KDM5B: variants seen among roughly 807,000 people sequenced by gnomAD.
KDM5B encodes the protein lysine demethylase 5B.
KDM5B carries 144 observed loss-of-function variants against 193.4 expected under a neutral mutation model. The ratio of observed to expected loss-of-function variants is 0.74; its 90% confidence interval spans 0.65 to 0.86. The LOEUF is 0.86. Among genes scored for constraint, KDM5B ranks in the 40% least tolerant of loss-of-function variants. KDM5B has a pLI of 0.00. For synonymous variants in KDM5B, 668 were observed against 682.6 expected (o/e 0.98, Z 0.33); for missense variants, 1,833 against 1,886.9 (o/e 0.97, Z 0.53).
At chr1:202,752,550 A>G (rs923479176) in intron 12 of KDM5B, among the ~76,000 whole-genome samples, 1 of 152,218 alleles carries the variant, frequency 6.6e-6, no homozygotes, top group African/African-American at 2.4e-5. Flanking sequence ...TTGTCACTTC[A>G]TTTAGCAACC....
At chr1:202,737,772 G>C (rs1456003896) in intron 20 of KDM5B, among the ~76,000 whole-genome samples, 1 of 152,146 alleles carries the variant, frequency 6.6e-6, no homozygotes, top group Non-Finnish European at 1.5e-5. Flanking sequence ...GTGGGGTGGG[G>C]AGGAAAACGC....
chr1:202,772,323 C>T (rs1656753703), intron 4 of KDM5B, among the ~76,000 whole-genome samples: 1 of 152,082 alleles, frequency 6.6e-6, no homozygotes, highest in South Asian at 2.1e-4. Context: ...TCACAAATAC[C>T]ATTTTGTCAG....
rs1453515365 is a variant in KDM5B, at chr1:202,749,018, G to T, written c.1943C>A (p.Ala648Asp). The change falls in exon 14 of 27, where the codon GCT (alanine) becomes GAT (aspartate). Residue 648 changes from alanine to aspartate, a missense_variant. Transcript: ENST00000367265. ...GGCCATGTCTTTCTGAACAGTTGAA[G>T]CCACTACAACATCTAATACATCAGC... ...SKADVLDVVV[A>D]STVQKDMAIM... is the part of the protein sequence containing the mutation. The T allele has an allele frequency of 6.2e-7, 1 of 1,613,896 alleles. No homozygotes were observed. Among genetic ancestry groups the T allele is most frequent in the Non-Finnish European group, 8.5e-7 (1 of 1,180,002 alleles).
Position 202,773,147 on chromosome 1 carries a change from T to G in KDM5B, c.547A>C (p.Asn183His). 6.2e-7 allele frequency: 1 copy of G among 1,613,718 alleles called. No individual in the cohort carries two copies. Among genetic ancestry groups the G allele is most frequent in the Non-Finnish European group, 8.5e-7 (1 of 1,179,640 alleles). ...AGGCTGTCTCCGGACAGGAATAAGTTGTAGGGGTTGAGAATTCGTTCATAA... is the reference window on the plus strand; with the variant it reads ...AGGCTGTCTCCGGACAGGAATAAGTGGTAGGGGTTGAGAATTCGTTCATAA... ...GHYERILNPY[N>H]LFLSGDSLRC... is the part of the protein sequence containing the mutation. The change falls in exon 4 of 27, where the codon AAC (asparagine) becomes CAC (histidine). Residue 183 changes from asparagine to histidine, a missense_variant. Physicochemically the swap from Asn to His is moderately conservative, Grantham distance 68. Around this residue, in one of 3 missense-constraint regions of KDM5B, gnomAD observed 355 missense variants for 374.9 expected, o/e 0.95. Coordinates refer to ENST00000367265, the MANE Select transcript of KDM5B (RefSeq NM_006618.5).
At chr1:202,795,291 G>A (rs1657797286) in intron 1 of KDM5B, among the ~76,000 whole-genome samples, 1 of 151,936 alleles carries the variant, frequency 6.6e-6, no homozygotes, top group Admixed American at 6.6e-5. Context: ...TTATTGTACT[G>A]TCCTCACCTA....
At chr1:202,736,638 G>A (rs929859574) in intron 20 of KDM5B, among the ~76,000 whole-genome samples, 4 of 151,714 alleles carry the variant, frequency 2.6e-5, no homozygotes, top group Admixed American at 2.6e-4. Flanking sequence ...GGTGGTGGTA[G>A]TGTTGTTTTT....
intron 1 of KDM5B, among the ~76,000 whole-genome samples, chr1:202,791,789 G>C (rs1425820803): frequency 6.6e-6 from 1 of 152,148 alleles, no homozygotes; most frequent in African/African-American, 2.4e-5. Flanking sequence ...CGCGATCTCG[G>C]CTCACTGCAA....
chr1:202,740,581 G>C, intron 20 of KDM5B, 93 bp downstream of exon 20: 1 of 1,273,736 alleles, frequency 7.9e-7, no homozygotes, highest in Non-Finnish European at 1.1e-6. Context: ...GCCGGGTCGG[G>C]GGCTGACCCC....
At chr1:202,740,937 G>T in intron 19 of KDM5B, 125 bp from the exon 20 acceptor site, 1 of 894,842 alleles carries the variant, frequency 1.1e-6, no homozygotes. Context: ...AAATGACATT[G>T]TCTATTCCTG....
At chr1:202,805,606 G>A (rs1658258869) in intron 1 of KDM5B, among the ~76,000 whole-genome samples, 1 of 152,086 alleles carries the variant, frequency 6.6e-6, no homozygotes, top group Admixed American at 6.6e-5. Context: ...AAATCATCCA[G>A]AAATACAGAC....
intron 16 of KDM5B, among the ~76,000 whole-genome samples, chr1:202,745,014 C>T (rs976685703): frequency 6.6e-6 from 1 of 152,124 alleles, no homozygotes; most frequent in Non-Finnish European, 1.5e-5. Flanking sequence ...ATGGATGGAA[C>T]TGGAGGCAAT....
intron 11 of KDM5B, among the ~76,000 whole-genome samples, chr1:202,753,795 G>A (rs779732250): frequency 1.2e-4 from 18 of 150,018 alleles, no homozygotes; most frequent in African/African-American, 4.1e-4. Context: ...TCAGCCTCCC[G>A]AGTAGCTAGT....
At chr1:202,804,113 G>A (rs1007464403) in intron 1 of KDM5B, among the ~76,000 whole-genome samples, 1 of 152,094 alleles carries the variant, frequency 6.6e-6, no homozygotes, top group African/African-American at 2.4e-5. Flanking sequence ...GTAGTTACAA[G>A]TGAGTTCAGG....
intron 20 of KDM5B, 84 bp from the exon 21 acceptor site, chr1:202,736,476 A>G: frequency 9.3e-7 from 1 of 1,076,498 alleles, no homozygotes; most frequent in Non-Finnish European, 1.3e-6. Flanking sequence ...AGATTGGTCC[A>G]TTGAGTACTT....
chr1:202,753,313 T>C (rs558597244), intron 11 of KDM5B, among the ~76,000 whole-genome samples: 1 of 152,128 alleles, frequency 6.6e-6, no homozygotes, highest in South Asian at 2.1e-4. Context: ...CTGGCCAACA[T>C]GGTGAAACCC....
intron 1 of KDM5B, among the ~76,000 whole-genome samples, chr1:202,807,453 GC>G (rs1658346406): frequency 7.0e-6 from 1 of 142,478 alleles, no homozygotes; most frequent in Non-Finnish European, 1.5e-5. Flanking sequence ...AGCGCTGGCC[GC>G]CCCCTTCTTG....
At chr1:202,732,500 G>C (rs1022445646) in intron 23 of KDM5B, among the ~76,000 whole-genome samples, 2 of 152,156 alleles carry the variant, frequency 1.3e-5, no homozygotes, top group African/African-American at 4.8e-5. Flanking sequence ...CTTTGGGAGT[G>C]TGCACAAATG....
At chr1:202,759,518 T>C (rs1656154442) in intron 8 of KDM5B, among the ~76,000 whole-genome samples, 1 of 144,062 alleles carries the variant, frequency 6.9e-6, no homozygotes, top group Admixed American at 7.2e-5. Context: ...TCCACTGTAC[T>C]CCAGCCTGGG....
In KDM5B at chr1:202,730,973, A is replaced by T; in HGVS notation, c.4112T>A (p.Leu1371His). ...PEIQELYQTL[L>H]AKPSPAQQTD... ...CTGCTGAGCAGGGCTTGGCTTTGCA[A>T]GTAAAGTCTGGTAAAGTTCCTGAAT... The change falls in exon 25 of 27, where the codon CTT becomes CAT. Residue 1371 changes from leucine to histidine, a missense_variant. This residue lies in a region of KDM5B where 1,379 missense variants were observed against 1,349.6 expected (regional missense o/e 1.02). Transcript: ENST00000367265. 3.7e-6 allele frequency: 6 copies of T among 1,613,870 alleles called. No homozygotes were observed. Among genetic ancestry groups the T allele is most frequent in the Non-Finnish European group, 5.1e-6 (6 of 1,179,838 alleles).
Sources: allele counts gnomAD v4.1 joint callset (sites outside exome capture counted in the v4.1 genomes callset), GRCh38; gene constraint gnomAD v4.1.1; regional missense constraint gnomAD v4.1.1; transcripts MANE v1.5; gene names NCBI Gene and HGNC (gene_info 2026-07-23, HGNC 2026-07-21).